Variants in SEPTIN9 observed in about 807,000 individuals in gnomAD.
SEPTIN9 encodes septin-9.
Under a neutral mutation model 56.6 loss-of-function variants are expected in SEPTIN9, and 13 were observed. That is an observed-to-expected ratio of 0.23 (90% CI 0.15 to 0.37). The LOEUF (loss-of-function observed/expected upper bound fraction) is 0.37, where lower values mean the gene tolerates loss of function less well. Ranked by LOEUF, SEPTIN9 falls within the 10% of genes least tolerant of loss-of-function variation. SEPTIN9 has a pLI of 1.00. For missense variants in SEPTIN9, 650 were observed against 823.1 expected, an observed-to-expected ratio of 0.79 and a Z score of 2.57; for synonymous variants, 332 against 334.1, an observed-to-expected ratio of 0.99 and a Z score of 0.07.
At chr17:77,365,312 TTC>T (rs111523716) in intron 2 of SEPTIN9, among the ~76,000 whole-genome samples, 90 of 152,160 alleles carry the variant, frequency 5.9e-4, no homozygotes, top group African/African-American at 2.0e-3. Flanking sequence ...TTGTACCTCT[TTC>T]TCTCTCTTTC....
At chr17:77,454,863 A>G (rs906436446) in intron 3 of SEPTIN9, among the ~76,000 whole-genome samples, 3 of 152,144 alleles carry the variant, frequency 2.0e-5, no homozygotes, top group African/African-American at 4.8e-5. Context: ...GAACCATCAC[A>G]GTAGACCTAA....
chr17:77,338,273 TA>T (rs2033617748), intron 2 of SEPTIN9, among the ~76,000 whole-genome samples: 1 of 152,182 alleles, frequency 6.6e-6, no homozygotes, highest in Non-Finnish European at 1.5e-5. Flanking sequence ...GTCTTTTTGC[TA>T]AAAAATGCTA....
At chr17:77,390,820 G>T (rs566240485) in intron 2 of SEPTIN9, among the ~76,000 whole-genome samples, 2 of 152,310 alleles carry the variant, frequency 1.3e-5, no homozygotes, top group Admixed American at 1.3e-4. Flanking sequence ...TTGCTCTGGT[G>T]GGGCACAATT....
intron 3 of SEPTIN9, among the ~76,000 whole-genome samples, chr17:77,473,429 C>T (rs893150878): frequency 8.5e-5 from 13 of 152,078 alleles, no homozygotes; most frequent in African/African-American, 2.9e-4. Flanking sequence ...GATGGGGTCT[C>T]GCTACGTTGC....
intron 2 of SEPTIN9, among the ~76,000 whole-genome samples, chr17:77,316,317 G>T (rs2032705226): frequency 6.6e-6 from 1 of 152,184 alleles, no homozygotes; most frequent in African/African-American, 2.4e-5. Context: ...GCCGGCTCAT[G>T]ACTAACTCCT....
chr17:77,345,389 C>T (rs2033859420), intron 2 of SEPTIN9, among the ~76,000 whole-genome samples: 1 of 152,174 alleles, frequency 6.6e-6, no homozygotes, highest in Non-Finnish European at 1.5e-5. Context: ...GGAAAAGAAA[C>T]CAAGAACTCG....
At chr17:77,477,460 G>A (rs1293315602) in intron 3 of SEPTIN9, among the ~76,000 whole-genome samples, 5 of 152,288 alleles carry the variant, frequency 3.3e-5, no homozygotes, top group Non-Finnish European at 7.3e-5. Context: ...CTGTGTTGGC[G>A]CACGCTCGTG....
Position 77,499,590 on chromosome 17 carries a change from T to C in SEPTIN9, c.*932T>C, listed in dbSNP as rs1381637606. 1.8e-5 allele frequency: 8 copies of C among 441,204 alleles called. No individual in the cohort carries two copies. The highest frequency in any genetic ancestry group is 2.6e-5 in the Non-Finnish European group (6 of 231,462). The allele number at this position is 441,204 out of a possible 1,614,324, so 27.3% of individuals were successfully genotyped here. On this transcript the variant is annotated 3_prime_UTR_variant, in exon 12 of 12. Coordinates refer to ENST00000427177, the MANE Select transcript of SEPTIN9 (RefSeq NM_001113491.2). Reference sequence around the variant, plus strand: ...GGCACGTGTGGGCCGTGGCTTGGGCTGGTCAGAGTGGCGTGAGCTGCCCGG... The same window carrying C: ...GGCACGTGTGGGCCGTGGCTTGGGCCGGTCAGAGTGGCGTGAGCTGCCCGG...
At position 77,389,433 on chromosome 17, in the gene SEPTIN9, T is replaced by C. The variant is rs1331691352; in HGVS notation, c.77-12626T>C. Among the ~76,000 whole-genome samples, 1 of 151,654 alleles carries C rather than the reference T, an allele frequency of 6.6e-6. No individual in the cohort carries two copies. Among genetic ancestry groups the C allele is most frequent in the African/African-American group, 2.4e-5 (1 of 41,256 alleles). Reference sequence around the variant, plus strand: ...TCTGGGGCCACCTAAAGGGCGTGGGTGGATTAAAGCTGAGGAAAGCCTCAT... The same window carrying C: ...TCTGGGGCCACCTAAAGGGCGTGGGCGGATTAAAGCTGAGGAAAGCCTCAT... On this transcript the variant is annotated intron_variant, in intron 2 of 11. Transcript: ENST00000427177. The surrounding 1 kb of genome is among the most constrained non-coding windows in gnomAD (Gnocchi z 4.3).
intron 10 of SEPTIN9, among the ~76,000 whole-genome samples, chr17:77,494,497 C>T (rs537649232): frequency 1.3e-5 from 2 of 152,224 alleles, no homozygotes; most frequent in Non-Finnish European, 2.9e-5. Context: ...TCATCATCCA[C>T]AAAGTGGGTG....
chr17:77,491,381 AG>A (rs1568120049), intron 8 of SEPTIN9, among the ~76,000 whole-genome samples: 1 of 151,946 alleles, frequency 6.6e-6, no homozygotes, highest in Non-Finnish European at 1.5e-5. Flanking sequence ...TATTTTTAGT[AG>A]AGACGAGGTT....
In SEPTIN9 at chr17:77,451,463, A is replaced by G; in HGVS notation, c.722-30681A>G. On this transcript the variant is annotated intron_variant, in intron 3 of 11. Transcript: ENST00000427177. The surrounding 1 kb of genome is among the most constrained non-coding windows in gnomAD (Gnocchi z 4.2). ...TTGATCCTCTGCTCGGCTCTGAGCC[A>G]TGTGACCCGGTGGGCGGGCCGCGGC... 1 of 985,818 alleles carries G rather than the reference A, an allele frequency of 1.0e-6. No homozygotes were observed. The highest frequency in any genetic ancestry group is 1.2e-6 in the Non-Finnish European group (1 of 830,276). The allele number at this position is 985,818 out of a possible 1,614,324, so 61.1% of individuals were successfully genotyped here.
chr17:77,475,511 G>T lies in SEPTIN9; in HGVS notation c.722-6633G>T, dbSNP rs769427541. ...CATCTGTTAGTTTATAGGACCTGAA[G>T]TGCCCCCATGGGCTCAAGTTTCTGG... On this transcript the variant is annotated intron_variant, in intron 3 of 11. Coordinates refer to ENST00000427177, the MANE Select transcript of SEPTIN9 (RefSeq NM_001113491.2). The surrounding 1 kb of genome is among the most constrained non-coding windows in gnomAD (Gnocchi z 4.6). 1 of 1,609,622 alleles carries T rather than the reference G, an allele frequency of 6.2e-7. No individual in the cohort carries two copies. Among genetic ancestry groups the T allele is most frequent in the African/African-American group, 1.3e-5 (1 of 74,724 alleles).
Position 77,475,875 on chromosome 17 carries a change from C to T in SEPTIN9, c.722-6269C>T, listed in dbSNP as rs955834413. On this transcript the variant is annotated intron_variant, in intron 3 of 11. Transcript: ENST00000427177. This position sits in a 1 kb window ranked among gnomAD's most constrained non-coding sequence, Gnocchi z 4.6. ...AGGAGGAGGATGACCTTGCATTCTG[C>T]TTGGCCACCATTGGCAGTGACAGAC... 2 of 1,612,376 alleles carry T rather than the reference C, an allele frequency of 1.2e-6. No homozygotes were observed. The highest frequency in any genetic ancestry group is 1.7e-6 in the Non-Finnish European group (2 of 1,178,966).
rs1174018981 is a variant in SEPTIN9, at chr17:77,388,528, G to A, written c.77-13531G>A. On this transcript the variant is annotated intron_variant, in intron 2 of 11. Coordinates refer to ENST00000427177, the MANE Select transcript of SEPTIN9 (RefSeq NM_001113491.2). ...GCTCTGTGGCCACTGTGGCTCTGCC[G>A]TCACCTCCAGCCCAGCTTGGCGCGC... 5.9e-5 allele frequency among the ~76,000 whole-genome samples: 9 copies of A among 152,314 alleles called. No individual in the cohort carries two copies. In the South Asian group the frequency reaches 1.7e-3, roughly 28 times the overall value.
At chr17:77,296,520 A>T (rs1302459785) in intron 1 of SEPTIN9, among the ~76,000 whole-genome samples, 1 of 152,174 alleles carries the variant, frequency 6.6e-6, no homozygotes. Context: ...ATAGATAGCC[A>T]GGCAGGCAGA....
chr17:77,299,984 C>T (rs1309989936), intron 1 of SEPTIN9, among the ~76,000 whole-genome samples: 1 of 152,222 alleles, frequency 6.6e-6, no homozygotes, highest in East Asian at 1.9e-4. Context: ...TGTGCTGCCT[C>T]CTTTGGTTGG....
At chr17:77,448,525 T>C (rs1002782932) in intron 3 of SEPTIN9, among the ~76,000 whole-genome samples, 3 of 151,444 alleles carry the variant, frequency 2.0e-5, no homozygotes, top group African/African-American at 7.3e-5. Flanking sequence ...AGCTGCACTG[T>C]CCAGCATGAT....
chr17:77,447,656 G>GCC (rs1293047183), intron 3 of SEPTIN9, among the ~76,000 whole-genome samples: 2 of 152,238 alleles, frequency 1.3e-5, no homozygotes, highest in Non-Finnish European at 2.9e-5. Flanking sequence ...ACGAAGTCTC[G>GCC]CTCTGTCGCC....
Sources: gnomAD v4.1 joint callset for allele counts (sites outside exome capture counted in the v4.1 genomes callset) on GRCh38, gnomAD v4.1.1 for gene constraint, Gnocchi (gnomAD v3.1) non-coding constraint, MANE v1.5 for transcripts, NCBI Gene and HGNC (gene_info 2026-07-23, HGNC 2026-07-21) for gene names.